The following TFDP2 variants were observed in gnomAD, a reference collection of about 807,000 sequenced individuals.
The protein encoded by TFDP2 is transcription factor Dp-2, also known as transcription factor Dp-2 (E2F dimerization partner 2).
TFDP2 carries 17 observed loss-of-function variants against 59.3 expected under a neutral mutation model. That is an observed-to-expected ratio of 0.29 (90% CI 0.20 to 0.43). The LOEUF is 0.43. Ranked by LOEUF, TFDP2 falls within the 20% of genes least tolerant of loss-of-function variation. The pLI is 1.00. For missense variants in TFDP2, 391 were observed against 528.8 expected (o/e 0.74, Z 2.56); for synonymous variants, 180 against 194.7 (o/e 0.92, Z 0.63).
At chr3:142,129,848 T>A (rs1377023585) in intron 1 of TFDP2, among the ~76,000 whole-genome samples, 1 of 152,006 alleles carries the variant, frequency 6.6e-6, no homozygotes, top group Non-Finnish European at 1.5e-5. Context: ...ATACTCAACA[T>A]CCCTAATGAT....
chr3:142,023,714 C>T (rs1161533868), intron 3 of TFDP2, among the ~76,000 whole-genome samples: 1 of 152,178 alleles, frequency 6.6e-6, no homozygotes, highest in Non-Finnish European at 1.5e-5. Flanking sequence ...ACTGAAGCTA[C>T]ATTTAAATCA....
At chr3:142,077,793 C>G (rs73232682) in intron 3 of TFDP2, among the ~76,000 whole-genome samples, 12,655 of 152,150 alleles carry the variant, frequency 0.083, 686 homozygotes, top group Middle Eastern at 0.14. Flanking sequence ...TTGAGAAAAG[C>G]AGAGGGAGAA....
chr3:142,075,734 G>GAAA (rs530375441), intron 3 of TFDP2, among the ~76,000 whole-genome samples: 7 of 45,524 alleles, frequency 1.5e-4, no homozygotes, highest in Non-Finnish European at 2.0e-4. Context: ...TGTCTCTACA[G>GAAA]AAAAAAAAAA....
At chr3:142,090,562 CTTTTTTT>C (rs944915464) in intron 3 of TFDP2, among the ~76,000 whole-genome samples, 13 of 139,270 alleles carry the variant, frequency 9.3e-5, no homozygotes, top group African/African-American at 2.7e-5. Context: ...TCTTTCTTTC[CTTTTTTT>C]TTTTTTTTGG....
chr3:142,132,239 A>G (rs2062543317), intron 1 of TFDP2, among the ~76,000 whole-genome samples: 3 of 150,108 alleles, frequency 2.0e-5, no homozygotes, highest in Admixed American at 1.3e-4. Flanking sequence ...CACTTAAATG[A>G]AATATTCAGA....
chr3:141,969,235 A>ATATATGT lies in TFDP2; in HGVS notation c.732+837_732+838insACATATA, dbSNP rs1350045600. On this transcript the variant is annotated intron_variant, in intron 9 of 12. Coordinates refer to ENST00000489671, the MANE Select transcript of TFDP2 (RefSeq NM_001178139.2). ...TATATATATCTCATATATATGAGAT[A>ATATATGT]TATATATATATAACATATATATATC... is the stretch of plus-strand genomic sequence containing the variant. Among the ~76,000 whole-genome samples the ATATATGT allele has an allele frequency of 1.5e-4, 13 of 89,624 alleles. 1 individual carries two copies. The highest frequency in any genetic ancestry group is 1.1e-3 in the Admixed American group (9 of 7,848). The allele number at this position is 89,624 out of a possible 152,430, so 58.8% of individuals were successfully genotyped here.
intron 3 of TFDP2, among the ~76,000 whole-genome samples, chr3:142,072,084 G>C (rs2060267716): frequency 6.6e-6 from 1 of 152,076 alleles, no homozygotes; most frequent in African/African-American, 2.4e-5. Context: ...GAAGACAAAG[G>C]AAATCTAATA....
Position 141,949,972 on chromosome 3 carries a change from TA to T in TFDP2, c.*2540del. ...ACAGGCATGCCCCACCACACCCAGC[TA>T]ATTTTTGTATTTTTGTAGAGACAGG... On this transcript the variant is annotated 3_prime_UTR_variant, in exon 13 of 13. Coordinates refer to ENST00000489671, the MANE Select transcript of TFDP2 (RefSeq NM_001178139.2). 6.6e-6 allele frequency: 1 copy of T among 152,042 alleles called. No individual in the cohort carries two copies. The highest frequency in any genetic ancestry group is 1.5e-5 in the Non-Finnish European group (1 of 68,084). 9.4% of individuals were successfully genotyped at this position (152,042 alleles called of 1,614,324 possible). A position where few individuals can be genotyped will look rare whatever the true frequency, so the allele number is the denominator to read the frequency against.
In TFDP2 at chr3:141,973,265, G is replaced by A. The variant is rs140902764; in HGVS notation, c.663+783C>T. 6.9e-4 allele frequency among the ~76,000 whole-genome samples: 104 copies of A among 151,662 alleles called. 1 individual carries two copies. Among genetic ancestry groups the A allele is most frequent in the Middle Eastern group, 3.4e-3 (1 of 294 alleles). On this transcript the variant is annotated intron_variant, in intron 8 of 12. Transcript: ENST00000489671. ...TTTCCAAGTAGCTGGGATTACAGGCGTCTGCCACTGGCTAATTTTTGTATT... is the reference window on the plus strand; with the variant it reads ...TTTCCAAGTAGCTGGGATTACAGGCATCTGCCACTGGCTAATTTTTGTATT...
intron 3 of TFDP2, among the ~76,000 whole-genome samples, chr3:142,032,771 T>TC (rs1946496386): frequency 6.6e-6 from 1 of 152,214 alleles, no homozygotes; most frequent in Non-Finnish European, 1.5e-5. Flanking sequence ...CCATTTTTTT[T>TC]CTAACATATA....
chr3:142,095,872 C>T (rs2061146169), intron 2 of TFDP2, among the ~76,000 whole-genome samples: 1 of 152,162 alleles, frequency 6.6e-6, no homozygotes, highest in Non-Finnish European at 1.5e-5. Flanking sequence ...AAATTCCATG[C>T]TTGATACAAT....
chr3:141,975,920 G>T (rs569980315), intron 7 of TFDP2, among the ~76,000 whole-genome samples: 1 of 151,914 alleles, frequency 6.6e-6, no homozygotes, highest in South Asian at 2.1e-4. Context: ...TTGCTCTGTT[G>T]CCCAGGCTGG....
chr3:142,115,315 CTT>C (rs906368574), intron 1 of TFDP2, among the ~76,000 whole-genome samples: 7 of 130,970 alleles, frequency 5.3e-5, no homozygotes, highest in Non-Finnish European at 6.5e-5. Context: ...CACGCATTTT[CTT>C]TTTTTTTTTT....
intron 3 of TFDP2, among the ~76,000 whole-genome samples, chr3:142,082,162 C>T (rs549111943): frequency 6.6e-6 from 1 of 152,300 alleles, no homozygotes; most frequent in Admixed American, 6.5e-5. Context: ...CTGTTGTGAA[C>T]TGTGCATGTG....
chr3:141,974,027 T>A (rs538393070), intron 8 of TFDP2, 21 bp downstream of exon 8: 1 of 1,605,032 alleles, frequency 6.2e-7, no homozygotes, highest in Admixed American at 1.7e-5. Flanking sequence ...CAGCTATTCA[T>A]AAACAGATTT....
intron 3 of TFDP2, among the ~76,000 whole-genome samples, chr3:142,092,318 GTGGGTCAGA>G (rs942130822): frequency 1.3e-5 from 2 of 152,078 alleles, no homozygotes; most frequent in Admixed American, 6.6e-5. Context: ...TCTTGTACTG[GTGGGTCAGA>G]ATACTTTTTT....
intron 2 of TFDP2, among the ~76,000 whole-genome samples, chr3:142,095,120 A>G (rs1229928228): frequency 6.6e-6 from 1 of 151,570 alleles, no homozygotes; most frequent in African/African-American, 2.4e-5. Flanking sequence ...CCTCCCAAGT[A>G]GCTGGGATTA....
At chr3:142,137,890 AAATGAGTTAGGG>A in intron 1 of TFDP2, among the ~76,000 whole-genome samples, 1 of 152,286 alleles carries the variant, frequency 6.6e-6, no homozygotes, top group Non-Finnish European at 1.5e-5. Flanking sequence ...TGGCCTCATA[AAATGAGTTAGGG>A]AGGATTCCTT....
intron 1 of TFDP2, among the ~76,000 whole-genome samples, chr3:142,129,983 T>C (rs1339950435): frequency 6.6e-6 from 1 of 152,040 alleles, no homozygotes; most frequent in Non-Finnish European, 1.5e-5. Flanking sequence ...ACTTGTGCCC[T>C]GCTGGTAGGA....
Sources: gnomAD v4.1 joint callset for allele counts (sites outside exome capture counted in the v4.1 genomes callset) on GRCh38, gnomAD v4.1.1 for gene constraint, MANE v1.5 for transcripts, NCBI Gene and HGNC (gene_info 2026-07-23, HGNC 2026-07-21) for gene names.